Variants in RAD51B observed in about 807,000 individuals in gnomAD.
RAD51B encodes RAD51 paralog B, also known as DNA repair protein RAD51 homolog 2.
In RAD51B, 38 loss-of-function variants were observed where a neutral mutation model predicts 42.2. That is an observed-to-expected ratio of 0.90 (90% confidence interval 0.70 to 1.18). The LOEUF (loss-of-function observed/expected upper bound fraction) is 1.18, where lower values mean the gene tolerates loss of function less well. Among genes scored for constraint, RAD51B ranks in the 50% most tolerant of loss-of-function variants. The pLI, the probability that RAD51B is intolerant of heterozygous loss-of-function variation, is 0.00. For synonymous variants in RAD51B, 154 were observed against 145.2 expected (o/e 1.06, Z -0.43); for missense variants, 373 against 400.7 (o/e 0.93, Z 0.59).
At chr14:68,365,868 G>A (rs1443634383) in intron 8 of RAD51B, among the ~76,000 whole-genome samples, 1 of 152,026 alleles carries the variant, frequency 6.6e-6, no homozygotes, top group Admixed American at 6.5e-5. Context: ...TGGGCCACTA[G>A]AAGAAATATA....
At chr14:67,976,974 A>G (rs556927763) in intron 7 of RAD51B, among the ~76,000 whole-genome samples, 1 of 152,242 alleles carries the variant, frequency 6.6e-6, no homozygotes, top group Non-Finnish European at 1.5e-5. Context: ...AATGCTCATC[A>G]TCACTGGCCA....
At chr14:68,021,504 T>A (rs1257026627) in intron 7 of RAD51B, among the ~76,000 whole-genome samples, 1 of 152,230 alleles carries the variant, frequency 6.6e-6, no homozygotes, top group Non-Finnish European at 1.5e-5. Context: ...CGTCATTTTT[T>A]CACCTACTAT....
Position 68,245,841 on chromosome 14 carries a change from C to G in RAD51B, c.757-46043C>G, listed in dbSNP as rs140796167. 7.2e-4 allele frequency among the ~76,000 whole-genome samples: 109 copies of G among 152,204 alleles called. 1 individual carries two copies. The South Asian group carries it at 1.0e-2, about 14-fold the overall frequency. ...CATTATTCTGAGAATGGGCCTGACC[C>G]TCATGGATCTGTGGGTGTGAGGAGT... On this transcript the variant is annotated intron_variant, in intron 7 of 10. Coordinates refer to ENST00000471583, the MANE Select transcript of RAD51B (RefSeq NM_133510.4).
intron 7 of RAD51B, among the ~76,000 whole-genome samples, chr14:68,072,086 T>A (rs567405067): frequency 3.8e-5 from 5 of 131,612 alleles, no homozygotes; most frequent in African/African-American, 1.5e-4. Flanking sequence ...TAAATATATA[T>A]AAATATATAA....
chr14:68,245,879 G>A (rs955595942), intron 7 of RAD51B, among the ~76,000 whole-genome samples: 1 of 152,098 alleles, frequency 6.6e-6, no homozygotes, highest in Admixed American at 6.5e-5. Context: ...TGGTTGTCAG[G>A]AGCCGGGGAA....
At chr14:68,639,239 T>G (rs1892405448) in intron 10 of RAD51B, among the ~76,000 whole-genome samples, 1 of 152,082 alleles carries the variant, frequency 6.6e-6, no homozygotes, top group Non-Finnish European at 1.5e-5. Context: ...TAAAGCTAAT[T>G]TGGTAGAGGG....
chr14:68,179,429 C>A (rs2079018677), intron 7 of RAD51B, among the ~76,000 whole-genome samples: 1 of 152,162 alleles, frequency 6.6e-6, no homozygotes, highest in Non-Finnish European at 1.5e-5. Flanking sequence ...ACTCTGAGGT[C>A]ATTCCTCTGA....
intron 7 of RAD51B, among the ~76,000 whole-genome samples, chr14:68,277,492 G>A (rs147185514): frequency 7.6e-4 from 115 of 152,208 alleles, no homozygotes; most frequent in African/African-American, 2.5e-3. Flanking sequence ...CTTGGGTTTA[G>A]GCCCATTTAT....
chr14:67,995,243 GGGC>G (rs1276728587), intron 7 of RAD51B, among the ~76,000 whole-genome samples: 4 of 151,852 alleles, frequency 2.6e-5, no homozygotes, highest in Non-Finnish European at 5.9e-5. Context: ...AAAATTAGCT[GGGC>G]GTGGTTGGCA....
chr14:68,098,429 C>G (rs1411101891), intron 7 of RAD51B, among the ~76,000 whole-genome samples: 1 of 152,240 alleles, frequency 6.6e-6, no homozygotes, highest in African/African-American at 2.4e-5. Flanking sequence ...CAGTTTCACT[C>G]TGCTGATAAA....
chr14:68,252,569 A>G (rs1236104350), intron 7 of RAD51B, among the ~76,000 whole-genome samples: 2 of 152,204 alleles, frequency 1.3e-5, no homozygotes, highest in Non-Finnish European at 2.9e-5. Flanking sequence ...ATAGGGTCAC[A>G]CTTATATAAA....
chr14:67,964,371 T>C (rs1289338791), intron 7 of RAD51B, among the ~76,000 whole-genome samples: 1 of 152,132 alleles, frequency 6.6e-6, no homozygotes, highest in African/African-American at 2.4e-5. Context: ...TGGCAGAAGA[T>C]TAAAAACAAA....
chr14:68,416,194 C>A (rs2084554262), intron 9 of RAD51B, among the ~76,000 whole-genome samples: 1 of 152,174 alleles, frequency 6.6e-6, no homozygotes, highest in African/African-American at 2.4e-5. Flanking sequence ...GGAAGTATTT[C>A]TTTGCATCTT....
intron 7 of RAD51B, among the ~76,000 whole-genome samples, chr14:67,989,608 CT>C (rs1339845972): frequency 8.0e-6 from 1 of 124,956 alleles, no homozygotes; most frequent in Non-Finnish European, 1.6e-5. Flanking sequence ...GCACTCCAGG[CT>C]GGGCAACAAG....
intron 7 of RAD51B, among the ~76,000 whole-genome samples, chr14:68,216,666 A>G (rs1404351309): frequency 2.0e-5 from 3 of 152,208 alleles, no homozygotes; most frequent in South Asian, 4.1e-4. Flanking sequence ...ATTTCTTGCC[A>G]TAAAATTAAA....
At chr14:68,250,409 T>C (rs1315989243) in intron 7 of RAD51B, among the ~76,000 whole-genome samples, 1 of 152,210 alleles carries the variant, frequency 6.6e-6, no homozygotes, top group Non-Finnish European at 1.5e-5. Context: ...TGTTTCTGAG[T>C]CAAGAAGCTT....
intron 7 of RAD51B, among the ~76,000 whole-genome samples, chr14:68,031,899 C>CT (rs1464016655): frequency 2.0e-5 from 3 of 152,202 alleles, no homozygotes; most frequent in South Asian, 2.1e-4. Context: ...AATGATATGA[C>CT]TTTTTTTCTT....
chr14:68,411,606 ATGC>A, intron 9 of RAD51B, 79 bp downstream of exon 9: 1 of 1,357,028 alleles, frequency 7.4e-7, no homozygotes, highest in South Asian at 1.2e-5. Flanking sequence ...TCTTCTGAAA[ATGC>A]TGGCCGCATT....
At chr14:68,533,872 A>G (rs1887459134) in intron 10 of RAD51B, among the ~76,000 whole-genome samples, 1 of 152,218 alleles carries the variant, frequency 6.6e-6, no homozygotes, top group Non-Finnish European at 1.5e-5. Flanking sequence ...CTAAGCCAGT[A>G]GCTGGGTTTA....
Sources: gnomAD v4.1 joint callset for allele counts (sites outside exome capture counted in the v4.1 genomes callset) on GRCh38, gnomAD v4.1.1 for gene constraint, MANE v1.5 for transcripts, NCBI Gene and HGNC (gene_info 2026-07-23, HGNC 2026-07-21) for gene names.